Variants in HNRNPR observed in about 807,000 individuals in gnomAD.
The protein encoded by HNRNPR is heterogeneous nuclear ribonucleoprotein R.
In HNRNPR, 4 loss-of-function variants were observed where a neutral mutation model predicts 70.3. That is an observed-to-expected ratio of 0.06 (90% CI 0.03 to 0.13). HNRNPR has a LOEUF of 0.13. HNRNPR is among the 10% of genes least tolerant of loss of function. The pLI is 1.00. For synonymous variants in HNRNPR, 241 were observed against 267.6 expected (o/e 0.90, Z 0.97); for missense variants, 423 against 788.5 (o/e 0.54, Z 5.55).
intron 3 of HNRNPR, chr1:23,338,101 A>ATGTG (rs1646571599): frequency 7.1e-6 from 3 of 425,276 alleles, no homozygotes; most frequent in Non-Finnish European, 1.3e-5. Flanking sequence ...ACTTGTTGAT[A>ATGTG]TGTGACTGTA....
In HNRNPR at chr1:23,310,944, T is replaced by C. The variant is rs776512834; in HGVS notation, c.1412A>G (p.Tyr471Cys). The C allele has an allele frequency of 5.4e-5, 87 of 1,614,034 alleles. No homozygotes were observed. Among genetic ancestry groups the C allele is most frequent in the Non-Finnish European group, 6.5e-5 (77 of 1,180,040 alleles). ...PPDYYGYEDYYDDYYGYDYHD... is the reference protein window; with the variant it reads ...PPDYYGYEDYCDDYYGYDYHD... ...ATAATCATAACCATAGTAATCATCA[T>C]AGTAATCTTCATAGCCGTAGTAATC... Residue 471 changes from tyrosine (Y) to cysteine (C), a missense_variant, in exon 11 of 11, where the codon TAT becomes TGT. Transcript: ENST00000302271. This position sits in a 1 kb window ranked among gnomAD's most constrained non-coding sequence, Gnocchi z 6.0.
At chr1:23,320,102 A>C (rs1311501226) in intron 7 of HNRNPR, among the ~76,000 whole-genome samples, 1 of 152,202 alleles carries the variant, frequency 6.6e-6, no homozygotes, top group African/African-American at 2.4e-5. Flanking sequence ...AAAGCAGAGA[A>C]TATGTCTCTT....
intron 1 of HNRNPR, among the ~76,000 whole-genome samples, chr1:23,343,345 G>A (rs967234339): frequency 1.3e-5 from 2 of 152,080 alleles, no homozygotes; most frequent in African/African-American, 4.8e-5. Context: ...TGAGACTAAC[G>A]GTTATCTCAT....
intron 6 of HNRNPR, among the ~76,000 whole-genome samples, chr1:23,322,689 T>C (rs1430881069): frequency 6.6e-6 from 1 of 152,150 alleles, no homozygotes; most frequent in African/African-American, 2.4e-5. Flanking sequence ...AACTAAAATC[T>C]GGGTCAAGCT....
chr1:23,317,449 C>T (rs1031459810), intron 8 of HNRNPR, among the ~76,000 whole-genome samples: 22 of 151,736 alleles, frequency 1.4e-4, no homozygotes, highest in African/African-American at 5.1e-4. Flanking sequence ...AAGCAAGACT[C>T]CATCTCAAAA....
intron 5 of HNRNPR, among the ~76,000 whole-genome samples, chr1:23,331,157 A>T (rs1646204760): frequency 6.6e-6 from 1 of 152,220 alleles, no homozygotes; most frequent in African/African-American, 2.4e-5. Context: ...ATACAACAAC[A>T]TTTAACATAC....
At chr1:23,315,666 C>A (rs1298752194) in intron 8 of HNRNPR, among the ~76,000 whole-genome samples, 1 of 152,132 alleles carries the variant, frequency 6.6e-6, no homozygotes, top group Non-Finnish European at 1.5e-5. Context: ...AAGGAAATTT[C>A]TTTGTCTATA....
chr1:23,333,630 G>A lies in HNRNPR; in HGVS notation c.386C>T (p.Ala129Val). Reference sequence around the variant, plus strand: ...AGTATAACCAGTTCTCTCAAGCAAGGCCTAGAGATAATTATACATCTCTTT... The same window carrying A: ...AGTATAACCAGTTCTCTCAAGCAAGACCTAGAGATAATTATACATCTCTTT... ...TKGPDEAKIKALLERTGYTLD... is the reference protein window; with the variant it reads ...TKGPDEAKIKVLLERTGYTLD... Residue 129 changes from alanine to valine, a missense_variant and splice_region_variant, in exon 5 of 11, where the codon GCC becomes GTC. Ala to Val is a moderately conservative substitution (Grantham distance 64). Around this residue, in one of 7 missense-constraint regions of HNRNPR, gnomAD observed 118 missense variants for 239.3 expected, o/e 0.49. Transcript: ENST00000302271. The A allele has an allele frequency of 6.4e-7, 1 of 1,554,194 alleles. No homozygotes were observed. Among genetic ancestry groups the A allele is most frequent in the Non-Finnish European group, 8.9e-7 (1 of 1,125,486 alleles).
intron 7 of HNRNPR, among the ~76,000 whole-genome samples, chr1:23,319,236 A>C (rs1557850435): frequency 6.6e-6 from 1 of 152,172 alleles, no homozygotes; most frequent in East Asian, 1.9e-4. Context: ...ACCCTTATAA[A>C]TACTTAGATT....
intron 5 of HNRNPR, among the ~76,000 whole-genome samples, chr1:23,330,352 T>G (rs915502401): frequency 2.6e-5 from 4 of 152,014 alleles, no homozygotes; most frequent in Non-Finnish European, 5.9e-5. Flanking sequence ...CTGGCCAACA[T>G]GGTGAAACCC....
intron 5 of HNRNPR, among the ~76,000 whole-genome samples, chr1:23,328,682 G>A (rs1428895271): frequency 6.6e-6 from 1 of 152,092 alleles, no homozygotes; most frequent in Non-Finnish European, 1.5e-5. Context: ...GTATTTTTAG[G>A]AGAGATGGGG....
rs1226573705 is a variant in HNRNPR, at chr1:23,310,760, C to A, written c.1596G>T (p.Arg532Ser). 1.2e-5 allele frequency: 20 copies of A among 1,613,696 alleles called. No individual in the cohort carries two copies. The highest frequency in any genetic ancestry group is 2.2e-5 in the East Asian group (1 of 44,870). Residue 532 changes from arginine (R) to serine (S), a missense_variant, in exon 11 of 11, where the codon AGG (arginine) becomes AGT (serine). Physicochemically the swap from Arg to Ser is moderately radical, Grantham distance 110. Around this residue, in one of 7 missense-constraint regions of HNRNPR, gnomAD observed 169 missense variants for 195.6 expected, o/e 0.86. Coordinates refer to ENST00000302271, the MANE Select transcript of HNRNPR (RefSeq NM_005826.5). The surrounding 1 kb of genome is among the most constrained non-coding windows in gnomAD (Gnocchi z 6.0). The stretch of plus-strand genomic sequence containing the variant: ...CTCTTGGTGGTCCCAAAGGTGCCCC[C>A]CTCTGTGAATAGCCAGCTCTACCTC... Reference protein sequence around the residue: ...PPRGRAGYSQRGAPLGPPRGS... With the variant: ...PPRGRAGYSQSGAPLGPPRGS...
chr1:23,313,499 C>A, intron 9 of HNRNPR, 54 bp downstream of exon 9: 1 of 1,190,408 alleles, frequency 8.4e-7, no homozygotes, highest in African/African-American at 1.6e-5. Flanking sequence ...TTGTGTTTGG[C>A]AAGTTTCAAA....
intron 5 of HNRNPR, among the ~76,000 whole-genome samples, chr1:23,324,425 GGGCAT>G (rs1645880162): frequency 6.6e-6 from 1 of 152,028 alleles, no homozygotes; most frequent in African/African-American, 2.4e-5. Context: ...AAAATTCTCC[GGGCAT>G]GGTGGCAGGC....
chr1:23,337,706 C>T (rs1458947695), intron 4 of HNRNPR, 48 bp downstream of exon 4: 4 of 1,077,962 alleles, frequency 3.7e-6, no homozygotes, highest in Non-Finnish European at 5.6e-6. Flanking sequence ...GGCATTTGAC[C>T]TCATCATTAA....
chr1:23,321,465 G>C, intron 7 of HNRNPR, 63 bp downstream of exon 7: 1 of 1,381,018 alleles, frequency 7.2e-7, no homozygotes, highest in African/African-American at 1.4e-5. Context: ...CAGTTTTTTT[G>C]AGCACTTGTA....
chr1:23,338,182 G>T (rs1646574496), intron 3 of HNRNPR: 1 of 312,968 alleles, frequency 3.2e-6, no homozygotes, highest in South Asian at 9.6e-5. Context: ...TAATAAAACA[G>T]GATCAAATAA....
rs1055046822 is a variant in HNRNPR, at chr1:23,306,432, G to T, written c.*4022C>A. Reference sequence around the variant, plus strand: ...CTTACCAACAATTCCACTGGTTATCGTCCCCAGCGAACCCCACCTAGCAAG... The same window carrying T: ...CTTACCAACAATTCCACTGGTTATCTTCCCCAGCGAACCCCACCTAGCAAG... On this transcript the variant is annotated 3_prime_UTR_variant, in exon 11 of 11. Transcript: ENST00000302271. 3 of 151,402 alleles carry T rather than the reference G, an allele frequency of 2.0e-5. No homozygotes were observed. Among genetic ancestry groups the T allele is most frequent in the African/African-American group, 7.3e-5 (3 of 41,176 alleles). The allele number at this position is 151,402 out of a possible 1,614,324, so 9.4% of individuals were successfully genotyped here.
intron 4 of HNRNPR, among the ~76,000 whole-genome samples, chr1:23,334,893 A>ACAATCTAC (rs1367267350): frequency 9.2e-5 from 14 of 152,136 alleles, no homozygotes; most frequent in South Asian, 8.3e-4. Context: ...ATCTACCTAG[A>ACAATCTAC]AAAGAGAAAT....
Sources: gnomAD v4.1 joint callset for allele counts (sites outside exome capture counted in the v4.1 genomes callset) on GRCh38, gnomAD v4.1.1 for gene constraint, gnomAD v4.1.1 regional missense constraint, Gnocchi (gnomAD v3.1) non-coding constraint, MANE v1.5 for transcripts, NCBI Gene and HGNC (gene_info 2026-07-23, HGNC 2026-07-21) for gene names.